Variants in SPAG5 observed in about 807,000 individuals in gnomAD.
SPAG5 encodes sperm associated antigen 5.
Under a neutral mutation model 145.4 loss-of-function variants are expected in SPAG5, and 99 were observed. The observed-to-expected ratio is 0.68, with a 90% CI of 0.58 to 0.80. The LOEUF (loss-of-function observed/expected upper bound fraction) is 0.80. Ranked by LOEUF, SPAG5 falls within the 30% of genes least tolerant of loss-of-function variation. The pLI is 0.00. For synonymous variants in SPAG5, 477 were observed against 525.4 expected, an observed-to-expected ratio of 0.91 and a Z score of 1.26; for missense variants, 1,192 against 1,416.0, an observed-to-expected ratio of 0.84 and a Z score of 2.54.
At chr17:28,590,868 CAAAAAAAAAAAAAAAA>C (rs60727111) in intron 4 of SPAG5, among the ~76,000 whole-genome samples, 1 of 37,422 alleles carries the variant, frequency 2.7e-5, no homozygotes, top group African/African-American at 1.1e-4. Flanking sequence ...GACTCCGTCT[CAAAAAAAAAAAAAAAA>C]AAAAAAAAAC....
At position 28,599,008 on chromosome 17, in the gene SPAG5, C is replaced by A; in HGVS notation, c.-62G>T. The A allele has an allele frequency of 6.5e-7, 1 of 1,547,260 alleles. No homozygotes were observed. Among genetic ancestry groups the A allele is most frequent in the South Asian group, 1.1e-5 (1 of 89,690 alleles). On this transcript the variant is annotated 5_prime_UTR_variant, in exon 1 of 24. Coordinates refer to ENST00000321765, the MANE Select transcript of SPAG5 (RefSeq NM_006461.4). Reference sequence around the variant, plus strand: ...AAGTCGAGGACGCCATGTTCACCCGCCGTCTGTGTTTGAACCTGCTCTGCG... The same window carrying A: ...AAGTCGAGGACGCCATGTTCACCCGACGTCTGTGTTTGAACCTGCTCTGCG...
In SPAG5 at chr17:28,579,993, T is replaced by C; in HGVS notation, c.2797+16A>G. 6.2e-7 allele frequency: 1 copy of C among 1,602,084 alleles called. No individual in the cohort carries two copies. Among genetic ancestry groups the C allele is most frequent in the Non-Finnish European group, 8.5e-7 (1 of 1,170,206 alleles). ...GCGTCACAACTTTCCCACCCCCAAA[T>C]CCCAGGGCCTTTAACCTTCATCTGC... On this transcript the variant is annotated intron_variant, in intron 16 of 23. Coordinates refer to ENST00000321765, the MANE Select transcript of SPAG5 (RefSeq NM_006461.4).
chr17:28,587,334 G>T (rs1255555828), intron 4 of SPAG5, among the ~76,000 whole-genome samples: 1 of 151,612 alleles, frequency 6.6e-6, no homozygotes, highest in Non-Finnish European at 1.5e-5. Flanking sequence ...ATCACCTGAG[G>T]TCGGGAGTTC....
At chr17:28,581,354 C>T (rs963871378) in intron 15 of SPAG5, among the ~76,000 whole-genome samples, 7 of 152,016 alleles carry the variant, frequency 4.6e-5, no homozygotes, top group Non-Finnish European at 7.4e-5. Flanking sequence ...CCAGGCAAGG[C>T]GGGAGCCACT....
At chr17:28,587,074 T>G (rs2070589693) in intron 4 of SPAG5, among the ~76,000 whole-genome samples, 1 of 152,054 alleles carries the variant, frequency 6.6e-6, no homozygotes, top group Non-Finnish European at 1.5e-5. Context: ...AAGTACTCAA[T>G]TCAATGAAGC....
Position 28,584,748 on chromosome 17 carries a change from AG to A in SPAG5, c.2068-4del. 6.2e-7 allele frequency: 1 copy of A among 1,607,826 alleles called. No homozygotes were observed. Among genetic ancestry groups the A allele is most frequent in the Non-Finnish European group, 8.5e-7 (1 of 1,174,358 alleles). ...ACTTGTTCCAGCACCCTAGAAACCT[AG>A]GAAGAACAGATGGTTTTCCTCCTAT... On this transcript the variant is annotated splice_polypyrimidine_tract_variant and splice_region_variant and intron_variant, in intron 10 of 23. Coordinates refer to ENST00000321765, the MANE Select transcript of SPAG5 (RefSeq NM_006461.4).
Position 28,585,098 on chromosome 17 carries a change from G to A in SPAG5, c.2067+4C>T. On this transcript the variant is annotated splice_donor_region_variant and intron_variant, in intron 10 of 23. Coordinates refer to ENST00000321765, the MANE Select transcript of SPAG5 (RefSeq NM_006461.4). ...CCTAAGCAGTCCCCACTCTTGGTTT[G>A]TACCTCCTGCTTTTCCTCAATTGCC... 4.3e-6 allele frequency: 7 copies of A among 1,612,628 alleles called. No homozygotes were observed. The highest frequency in any genetic ancestry group is 5.9e-6 in the Non-Finnish European group (7 of 1,178,614).
intron 15 of SPAG5, 49 bp downstream of exon 15, chr17:28,583,462 A>G: frequency 6.6e-7 from 1 of 1,514,226 alleles, no homozygotes. Flanking sequence ...GACTATCTGT[A>G]AAATAAAGAT....
intron 17 of SPAG5, 42 bp from the exon 18 acceptor site, chr17:28,579,527 C>G (rs2070535903): frequency 5.6e-6 from 9 of 1,602,684 alleles, no homozygotes; most frequent in Non-Finnish European, 7.7e-6. Context: ...CCTTCCAGCC[C>G]TGGAAGGAAG....
At chr17:28,597,265 A>G (rs2070672183) in intron 2 of SPAG5, among the ~76,000 whole-genome samples, 1 of 152,072 alleles carries the variant, frequency 6.6e-6, no homozygotes, top group African/African-American at 2.4e-5. Flanking sequence ...AAAAATACAA[A>G]AAATTAGCCA....
At chr17:28,598,078 T>C (rs2070680605) in intron 2 of SPAG5, among the ~76,000 whole-genome samples, 1 of 152,226 alleles carries the variant, frequency 6.6e-6, no homozygotes, top group African/African-American at 2.4e-5. Context: ...TGCAAGGAGC[T>C]AGTTTAAACT....
rs774202169 is a variant in SPAG5, at chr17:28,580,051, T to G, written c.2755A>C (p.Arg919=). ...GTCAAGATGCTTCCCAGGAAGGTCC[T>G]GTCATTAGGCAGAGGGTGTTCCTGG... ...PTQEHPLPND[R]TFLGSILTAV... The change falls in exon 16 of 24, where the codon AGG becomes CGG. Residue 919 remains arginine, a synonymous_variant. Coordinates refer to ENST00000321765, the MANE Select transcript of SPAG5 (RefSeq NM_006461.4). The G allele has an allele frequency of 3.1e-6, 5 of 1,613,942 alleles. No individual in the cohort carries two copies. The Admixed American group carries it at 8.3e-5, about 27-fold the overall frequency.
At chr17:28,591,339 A>G (rs528842105) in intron 4 of SPAG5, among the ~76,000 whole-genome samples, 1 of 152,294 alleles carries the variant, frequency 6.6e-6, no homozygotes, top group African/African-American at 2.4e-5. Flanking sequence ...CCATGATCAT[A>G]GCTCACTGCA....
In SPAG5 at chr17:28,586,427, T is replaced by A; in HGVS notation, c.1510A>T (p.Met504Leu). Residue 504 changes from methionine to leucine, a missense_variant and splice_region_variant, in exon 5 of 24, where the codon ATG becomes TTG. Physicochemically the swap from Met to Leu is conservative, Grantham distance 15. This residue lies in a region of SPAG5 where 709 missense variants were observed against 840.7 expected (regional missense o/e 0.84). Coordinates refer to ENST00000321765, the MANE Select transcript of SPAG5 (RefSeq NM_006461.4). ...GTGTAAGGTCAATCATCACTTACCATGACATTTCTGGCCTGCTGTAGGGCC... is the reference window on the plus strand; with the variant it reads ...GTGTAAGGTCAATCATCACTTACCAAGACATTTCTGGCCTGCTGTAGGGCC... Reference protein sequence around the residue: ...GQALQQARNVMQSWVLISKEL... With the variant: ...GQALQQARNVLQSWVLISKEL... 6.2e-7 allele frequency: 1 copy of A among 1,610,734 alleles called. No homozygotes were observed. The highest frequency in any genetic ancestry group is 8.5e-7 in the Non-Finnish European group (1 of 1,176,790).
rs763472401 is a variant in SPAG5, at chr17:28,584,005, G to C, written c.2413-19C>G. 3 of 1,613,958 alleles carry C rather than the reference G, an allele frequency of 1.9e-6. No homozygotes were observed. Among genetic ancestry groups the C allele is most frequent in the African/African-American group, 1.3e-5 (1 of 75,044 alleles). On this transcript the variant is annotated intron_variant, in intron 13 of 23. Coordinates refer to ENST00000321765, the MANE Select transcript of SPAG5 (RefSeq NM_006461.4). Reference sequence around the variant, plus strand: ...CTGCAAACTGGGAAGACAAGAGAAGGAGCAAGACAGGGAGGGAGAATTTTA... The same window carrying C: ...CTGCAAACTGGGAAGACAAGAGAAGCAGCAAGACAGGGAGGGAGAATTTTA...
chr17:28,586,029 G>A, intron 6 of SPAG5, 31 bp from the exon 7 acceptor site: 1 of 1,614,126 alleles, frequency 6.2e-7, no homozygotes. Flanking sequence ...AATGTGTCTG[G>A]TTCCTCTTTA....
Position 28,586,446 on chromosome 17 carries a change from T to C in SPAG5, c.1491A>G (p.Leu497=). 4 of 1,613,784 alleles carry C rather than the reference T, an allele frequency of 2.5e-6. No homozygotes were observed. The highest frequency in any genetic ancestry group is 3.4e-6 in the Non-Finnish European group (4 of 1,179,616). Residue 497 remains leucine, a synonymous_variant, in exon 5 of 24, where the codon CTA becomes CTG. Coordinates refer to ENST00000321765, the MANE Select transcript of SPAG5 (RefSeq NM_006461.4). ...TTACCATGACATTTCTGGCCTGCTG[T>C]AGGGCCTGTCCCATCTCATGGCTCT... The part of the protein sequence containing the change: ...LKESHEMGQA[L]QQARNVMQSW...
Position 28,592,999 on chromosome 17 carries a change from T to C in SPAG5, c.245A>G (p.His82Arg), listed in dbSNP as rs753810510. Reference sequence around the variant, plus strand: ...TAGCCACTTTGAGGAATGACTGAAATGTTCTGAAGATAAGTCTGTCCTCTT... The same window carrying C: ...TAGCCACTTTGAGGAATGACTGAAACGTTCTGAAGATAAGTCTGTCCTCTT... ...NNKRTDLSSEHFSHSSKWLET... is the reference protein window; with the variant it reads ...NNKRTDLSSERFSHSSKWLET... The change falls in exon 3 of 24, where the codon CAT (histidine) becomes CGT (arginine). Residue 82 changes from histidine to arginine, a missense_variant. This residue lies in a region of SPAG5 where 329 missense variants were observed against 354.0 expected (regional missense o/e 0.93). Transcript: ENST00000321765. The C allele has an allele frequency of 6.2e-7, 1 of 1,614,194 alleles. No homozygotes were observed. The highest frequency in any genetic ancestry group is 8.5e-7 in the Non-Finnish European group (1 of 1,180,026).
At chr17:28,583,825 G>A in intron 14 of SPAG5, 28 bp downstream of exon 14, 1 of 1,595,260 alleles carries the variant, frequency 6.3e-7, no homozygotes, top group South Asian at 1.1e-5. Context: ...AGCACTTAGG[G>A]GGAAGTACAG....
Sources: allele counts gnomAD v4.1 joint callset (sites outside exome capture counted in the v4.1 genomes callset), GRCh38; gene constraint gnomAD v4.1.1; regional missense constraint gnomAD v4.1.1; transcripts MANE v1.5; gene names NCBI Gene and HGNC (gene_info 2026-07-23, HGNC 2026-07-21).